Variants in PRPF38B observed in about 807,000 individuals in gnomAD.
The protein encoded by PRPF38B is pre-mRNA processing factor 38B.
A neutral mutation model predicts 67.2 loss-of-function variants in PRPF38B; 18 were observed. That is an observed-to-expected ratio of 0.27 (90% CI 0.19 to 0.40). PRPF38B has a LOEUF of 0.40. Among genes scored for constraint, PRPF38B ranks in the 10% least tolerant of loss-of-function variants. PRPF38B has a pLI of 1.00. For synonymous variants in PRPF38B, 246 were observed against 234.2 expected (o/e 1.05, Z -0.46); for missense variants, 544 against 684.9 (o/e 0.79, Z 2.30).
At position 108,699,811 on chromosome 1, in the gene PRPF38B, A is replaced by G. The variant is rs752036351; in HGVS notation, c.1432A>G (p.Arg478Gly). 10 of 1,612,904 alleles carry G rather than the reference A, an allele frequency of 6.2e-6. No homozygotes were observed. In the East Asian group the frequency reaches 1.8e-4, roughly 29 times the overall value. Residue 478 changes from arginine to glycine, a missense_variant, in exon 6 of 6, where the codon AGA (arginine) becomes GGA (glycine). This residue lies in a region of PRPF38B where 387 missense variants were observed against 386.1 expected (regional missense o/e 1.00). Coordinates refer to ENST00000370025, the MANE Select transcript of PRPF38B (RefSeq NM_018061.4). ...NKRSRSGSQG[R>G]TDSVEKSKKR... ...ACGAAGTCGAAGTGGCAGTCAAGGA[A>G]GAACTGACAGTGTTGAAAAATCAAA...
chr1:108,696,633 G>A, intron 4 of PRPF38B: 6 of 687,846 alleles, frequency 8.7e-6, no homozygotes, highest in Non-Finnish European at 1.6e-5. Context: ...GAATTGTATA[G>A]TTAATAGTGA....
chr1:108,701,649 T>C lies in PRPF38B; in HGVS notation c.*1629T>C, dbSNP rs923814068. 11 of 152,362 alleles carry C rather than the reference T, an allele frequency of 7.2e-5. No individual in the cohort carries two copies. The highest frequency in any genetic ancestry group is 2.2e-4 in the African/African-American group (9 of 41,582). The allele number at this position is 152,362 out of a possible 1,614,324, so 9.4% of individuals were successfully genotyped here. On this transcript the variant is annotated 3_prime_UTR_variant, in exon 6 of 6. Transcript: ENST00000370025. ...CACATTGAGGTTTGTTTTATCTCAC[T>C]GGTTATACTGGCCAACTAATGCGCA...
intron 4 of PRPF38B, chr1:108,697,195 A>G (rs1659953084): frequency 6.4e-6 from 1 of 157,458 alleles, no homozygotes; most frequent in Non-Finnish European, 1.4e-5. Context: ...GTGAGCCAAG[A>G]TCATTGCCAC....
chr1:108,698,433 A>G (rs1660097313), intron 4 of PRPF38B, 171 bp from the exon 5 acceptor site: 1 of 586,690 alleles, frequency 1.7e-6, no homozygotes, highest in Non-Finnish European at 3.0e-6. Flanking sequence ...GCATGCACAC[A>G]CTAAGCCCAA....
At chr1:108,697,066 C>G in intron 4 of PRPF38B, 1 of 299,584 alleles carries the variant, frequency 3.3e-6, no homozygotes, top group Non-Finnish European at 6.1e-6. Flanking sequence ...TATAGTGAGA[C>G]CTCATCTCTA....
rs996347147 is a variant in PRPF38B, at chr1:108,700,995, CTT to C, written c.*981_*982del. On this transcript the variant is annotated 3_prime_UTR_variant, in exon 6 of 6. Coordinates refer to ENST00000370025, the MANE Select transcript of PRPF38B (RefSeq NM_018061.4). The stretch of plus-strand genomic sequence containing the variant: ...AGTGTCCTTTTTTTAAAATTCAGAA[CTT>C]TTTTTATTGATAATGGAGATTGCTG... 6.6e-6 allele frequency: 1 copy of C among 152,402 alleles called. No homozygotes were observed. Among genetic ancestry groups the C allele is most frequent in the Middle Eastern group, 3.2e-3 (1 of 316 alleles). The allele number at this position is 152,402 out of a possible 1,614,324, so 9.4% of individuals were successfully genotyped here. A position where few individuals can be genotyped will look rare whatever the true frequency, so the allele number is the denominator to read the frequency against.
chr1:108,699,178 C>CT lies in PRPF38B; in HGVS notation c.800dup (p.Ser268GlufsTer12). The CT allele has an allele frequency of 6.2e-7, 1 of 1,608,946 alleles. No individual in the cohort carries two copies. Among genetic ancestry groups the CT allele is most frequent in the East Asian group, 2.2e-5 (1 of 44,826 alleles). ...CTTCCTTAGGTCTCCAAGGAGATCT[C>CT]TGAGTCCACGGAGGTCCCCAAGAAG... On this transcript the variant is annotated frameshift_variant, in exon 6 of 6. Transcript: ENST00000370025. LOFTEE classifies it high-confidence loss of function.
rs1257678106 is a variant in PRPF38B, at chr1:108,699,925, A to T, written c.1546A>T (p.Lys516Ter). ...RSHKRDHSDSKDQSDKHDRRR... is the reference protein window; with the variant it reads ...RSHKRDHSDS Reference sequence around the variant, plus strand: ...CCACAAACGAGATCACAGTGATAGTAAGGACCAGTCAGACAAACATGATCG... The same window carrying T: ...CCACAAACGAGATCACAGTGATAGTTAGGACCAGTCAGACAAACATGATCG... The change falls in exon 6 of 6, where the codon AAG (lysine) becomes TAG (stop). Residue 516 changes from lysine to a stop codon, truncating the protein, a stop_gained. Coordinates refer to ENST00000370025, the MANE Select transcript of PRPF38B (RefSeq NM_018061.4). LOFTEE classifies it high-confidence loss of function. 6.2e-7 allele frequency: 1 copy of T among 1,614,180 alleles called. No homozygotes were observed. The highest frequency in any genetic ancestry group is 1.7e-5 in the Admixed American group (1 of 60,014).
chr1:108,701,622 C>T lies in PRPF38B; in HGVS notation c.*1602C>T, dbSNP rs1028983594. 1.1e-4 allele frequency: 16 copies of T among 152,148 alleles called. No individual in the cohort carries two copies. The highest frequency in any genetic ancestry group is 3.6e-4 in the African/African-American group (15 of 41,414). 9.4% of individuals were successfully genotyped at this position (152,148 alleles called of 1,614,324 possible). ...TTCTGACAGTGTAGTGAACCTGGCA[C>T]GCACATTGAGGTTTGTTTTATCTCA... On this transcript the variant is annotated 3_prime_UTR_variant, in exon 6 of 6. Coordinates refer to ENST00000370025, the MANE Select transcript of PRPF38B (RefSeq NM_018061.4).
At chr1:108,692,969 G>T in intron 1 of PRPF38B, 102 bp downstream of exon 1, 1 of 1,443,338 alleles carries the variant, frequency 6.9e-7, no homozygotes. Context: ...TTGTGGGTGG[G>T]GGAAGGTGGT....
chr1:108,694,354 G>T (rs1250984658), intron 1 of PRPF38B, among the ~76,000 whole-genome samples: 1 of 152,146 alleles, frequency 6.6e-6, no homozygotes, highest in African/African-American at 2.4e-5. Context: ...TGTAATAGAG[G>T]AAAGTCTCGT....
At chr1:108,696,604 T>C (rs1659880883) in intron 4 of PRPF38B, 1 of 625,408 alleles carries the variant, frequency 1.6e-6, no homozygotes, top group Non-Finnish European at 2.9e-6. Context: ...AATTATGTTC[T>C]GTGTATTGTA....
intron 1 of PRPF38B, 145 bp downstream of exon 1, chr1:108,693,012 T>G: frequency 9.4e-7 from 1 of 1,068,104 alleles, no homozygotes; most frequent in South Asian, 1.7e-5. Context: ...CTGTAGTGTG[T>G]CTGGGAGGGG....
chr1:108,692,834 C>T lies in PRPF38B; in HGVS notation c.243C>T (p.Thr81=), dbSNP rs1373010485. 1.9e-6 allele frequency: 3 copies of T among 1,614,082 alleles called. No homozygotes were observed. Among genetic ancestry groups the T allele is most frequent in the Non-Finnish European group, 2.5e-6 (3 of 1,180,036 alleles). ...AAGTACAGCTCTACGAGCTCAAGAC[C>T]TACCACGAGGTGGTGGACGAGATCT... ...YFKVQLYELK[T]YHEVVDEIYF... The change falls in exon 1 of 6, where the codon ACC becomes ACT. Residue 81 remains threonine (T), a synonymous_variant. Transcript: ENST00000370025.
chr1:108,697,069 C>A (rs1659940407), intron 4 of PRPF38B: 3 of 284,126 alleles, frequency 1.1e-5, no homozygotes, highest in Non-Finnish European at 2.0e-5. Context: ...AGTGAGACCT[C>A]ATCTCTACAA....
rs1309222549 is a variant in PRPF38B at position 108,695,774 on chromosome 1, A to G, written c.345+4A>G. The G allele has an allele frequency of 6.2e-7, 1 of 1,613,394 alleles. No homozygotes were observed. The highest frequency in any genetic ancestry group is 1.7e-5 in the Admixed American group (1 of 59,874). ...CCAGACAGGGATGTGCGGAGGGGTA[A>G]GTAGAAGTACGTGCATTTTTCAGTT... On this transcript the variant is annotated splice_donor_region_variant and intron_variant, in intron 2 of 5. Coordinates refer to ENST00000370025, the MANE Select transcript of PRPF38B (RefSeq NM_018061.4).
intron 4 of PRPF38B, chr1:108,696,897 A>G (rs1659913420): frequency 3.6e-6 from 2 of 550,628 alleles, no homozygotes; most frequent in South Asian, 2.4e-5. Flanking sequence ...AGTACACCAC[A>G]CACACCTTTA....
At chr1:108,694,292 T>C (rs1659634408) in intron 1 of PRPF38B, among the ~76,000 whole-genome samples, 1 of 152,186 alleles carries the variant, frequency 6.6e-6, no homozygotes, top group South Asian at 2.1e-4. Flanking sequence ...GAAAATTGGG[T>C]TCCTGCTCTT....
chr1:108,699,152 C>T lies in PRPF38B; in HGVS notation c.783-10C>T. 2 of 1,574,262 alleles carry T rather than the reference C, an allele frequency of 1.3e-6. No homozygotes were observed. The highest frequency in any genetic ancestry group is 1.7e-6 in the Non-Finnish European group (2 of 1,165,048). ...CATTGAAATTTTCTTTCTCCCTCCG[C>T]CTTCCTTAGGTCTCCAAGGAGATCT... On this transcript the variant is annotated splice_polypyrimidine_tract_variant and intron_variant, in intron 5 of 5. Transcript: ENST00000370025.
Sources: gnomAD v4.1 joint callset for allele counts (sites outside exome capture counted in the v4.1 genomes callset) on GRCh38, gnomAD v4.1.1 for gene constraint, gnomAD v4.1.1 regional missense constraint, MANE v1.5 for transcripts, NCBI Gene and HGNC (gene_info 2026-07-23, HGNC 2026-07-21) for gene names.